The following NIM1K variants were observed in gnomAD, a reference collection of about 807,000 sequenced individuals.
The protein encoded by NIM1K is serine/threonine-protein kinase NIM1.
NIM1K carries 35 observed loss-of-function variants against 37.1 expected under a neutral mutation model. The observed-to-expected ratio is 0.94, with a 90% CI of 0.72 to 1.25. The LOEUF is 1.25. Ranked by LOEUF, NIM1K falls within the 50% of genes most tolerant of loss-of-function variation. The pLI is 0.00. For synonymous variants in NIM1K, 234 were observed against 206.6 expected, an observed-to-expected ratio of 1.13 and a Z score of -1.14; for missense variants, 564 against 548.0, an observed-to-expected ratio of 1.03 and a Z score of -0.29.
intron 1 of NIM1K, among the ~76,000 whole-genome samples, chr5:43,220,031 G>A (rs1226641125): frequency 6.6e-6 from 1 of 152,088 alleles, no homozygotes; most frequent in Admixed American, 6.6e-5. Context: ...AGCCAATTGT[G>A]TCCTTTGATG....
At chr5:43,259,623 GA>G (rs1190154194) in intron 2 of NIM1K, among the ~76,000 whole-genome samples, 1 of 152,002 alleles carries the variant, frequency 6.6e-6, no homozygotes, top group African/African-American at 2.4e-5. Context: ...ACTTTTTAAT[GA>G]GATCTTTTTT....
At chr5:43,197,985 C>T (rs1016856213) in intron 1 of NIM1K, among the ~76,000 whole-genome samples, 4 of 152,092 alleles carry the variant, frequency 2.6e-5, no homozygotes, top group Admixed American at 6.5e-5. Context: ...AAGGAGTATT[C>T]CATAGTAGAG....
Position 43,280,771 on chromosome 5 carries a change from T to G in NIM1K, c.*42T>G. 1 of 1,492,352 alleles carries G rather than the reference T, an allele frequency of 6.7e-7. No homozygotes were observed. The highest frequency in any genetic ancestry group is 1.4e-5 in the African/African-American group (1 of 71,556). 92.4% of individuals were successfully genotyped at this position (1,492,352 alleles called of 1,614,324 possible). On this transcript the variant is annotated 3_prime_UTR_variant, in exon 4 of 4. Coordinates refer to ENST00000326035, the MANE Select transcript of NIM1K (RefSeq NM_153361.4). ...TGTAACTAACCAAGATGATTGTTGCTGCTTCTAAATTTTTTTCAAGGACAA... is the reference window on the plus strand; with the variant it reads ...TGTAACTAACCAAGATGATTGTTGCGGCTTCTAAATTTTTTTCAAGGACAA...
intron 1 of NIM1K, among the ~76,000 whole-genome samples, chr5:43,217,172 G>T (rs1752312163): frequency 1.3e-5 from 2 of 152,090 alleles, no homozygotes; most frequent in African/African-American, 4.8e-5. Context: ...TCTACTTTCT[G>T]TCTTTATAAA....
chr5:43,245,745 G>T lies in NIM1K; in HGVS notation c.-31G>T, dbSNP rs139301861. On this transcript the variant is annotated 5_prime_UTR_variant, in exon 2 of 4. Transcript: ENST00000326035. ...CTGCTCCTGCACAACCTGCCTCTTC[G>T]CTGAGATGGAGACGTGAGCCCCCGT... 2 of 1,542,544 alleles carry T rather than the reference G, an allele frequency of 1.3e-6. No individual in the cohort carries two copies. The highest frequency in any genetic ancestry group is 1.8e-6 in the Non-Finnish European group (2 of 1,141,504).
intron 2 of NIM1K, among the ~76,000 whole-genome samples, chr5:43,252,142 T>C (rs1395606561): frequency 6.6e-6 from 1 of 152,090 alleles, no homozygotes; most frequent in African/African-American, 2.4e-5. Context: ...GGTGGAATAA[T>C]AATTAGTGTT....
intron 1 of NIM1K, among the ~76,000 whole-genome samples, chr5:43,234,756 T>C (rs1752593228): frequency 6.6e-6 from 1 of 152,188 alleles, no homozygotes; most frequent in African/African-American, 2.4e-5. Flanking sequence ...TGCCTCAGCC[T>C]CCTGAGTAGC....
intron 1 of NIM1K, among the ~76,000 whole-genome samples, chr5:43,215,266 T>C (rs1752283323): frequency 6.6e-6 from 1 of 152,200 alleles, no homozygotes; most frequent in Non-Finnish European, 1.5e-5. Context: ...CTCTCCAACA[T>C]TGTGTAATCA....
chr5:43,232,496 T>G, intron 1 of NIM1K: 1 of 1,514,110 alleles, frequency 6.6e-7, no homozygotes, highest in Non-Finnish European at 9.2e-7. Flanking sequence ...CCTATTCAGT[T>G]TAGTATAGGT....
intron 2 of NIM1K, among the ~76,000 whole-genome samples, chr5:43,266,699 C>T (rs2112293117): frequency 6.6e-6 from 1 of 152,346 alleles, no homozygotes; most frequent in South Asian, 2.1e-4. Context: ...CTGCGTTGCT[C>T]ATGCTGGGAG....
intron 1 of NIM1K, among the ~76,000 whole-genome samples, chr5:43,219,215 A>G (rs952679901): frequency 6.6e-6 from 1 of 152,144 alleles, no homozygotes; most frequent in African/African-American, 2.4e-5. Flanking sequence ...TTTCCTTTAT[A>G]AATTTTCAGT....
At chr5:43,252,802 A>G (rs1752884225) in intron 2 of NIM1K, among the ~76,000 whole-genome samples, 1 of 152,134 alleles carries the variant, frequency 6.6e-6, no homozygotes, top group Non-Finnish European at 1.5e-5. Context: ...TGAATATTTT[A>G]TGTCCCATCT....
chr5:43,227,708 A>G (rs1249151009), intron 1 of NIM1K, among the ~76,000 whole-genome samples: 1 of 152,140 alleles, frequency 6.6e-6, no homozygotes, highest in Non-Finnish European at 1.5e-5. Flanking sequence ...AAAATTTATT[A>G]TTTATTATGG....
At chr5:43,275,569 C>T (rs145234055) in intron 2 of NIM1K, among the ~76,000 whole-genome samples, 261 of 152,340 alleles carry the variant, frequency 1.7e-3, no homozygotes, top group African/African-American at 5.9e-3. Context: ...CTCACCAGCA[C>T]GCTGTCAACA....
rs186995679 is a variant in NIM1K, at chr5:43,205,869, C to T, written c.-695+13458C>T. 3.5e-4 allele frequency among the ~76,000 whole-genome samples: 54 copies of T among 152,188 alleles called. No homozygotes were observed. In the East Asian group the frequency reaches 5.0e-3, roughly 14 times the overall value. ...CTGGGACTACAGGTGCCAGCCACCA[C>T]GCATGGCTGATTTTTTGTATTTTTA... On this transcript the variant is annotated intron_variant, in intron 1 of 3. Transcript: ENST00000326035.
At chr5:43,255,885 G>A (rs1362589992) in intron 2 of NIM1K, among the ~76,000 whole-genome samples, 2 of 151,564 alleles carry the variant, frequency 1.3e-5, no homozygotes, top group Non-Finnish European at 2.9e-5. Context: ...TGAGGGAAAT[G>A]GCTATACATG....
intron 1 of NIM1K, among the ~76,000 whole-genome samples, chr5:43,220,493 C>A (rs1013046635): frequency 2.0e-5 from 3 of 152,090 alleles, no homozygotes; most frequent in Non-Finnish European, 4.4e-5. Flanking sequence ...ATTGGCCAGG[C>A]TGATCGCAAA....
chr5:43,222,246 G>A (rs1005260004), intron 1 of NIM1K, among the ~76,000 whole-genome samples: 6 of 152,158 alleles, frequency 3.9e-5, no homozygotes, highest in Non-Finnish European at 7.3e-5. Flanking sequence ...TGAGAAATAC[G>A]ATCTTATGGT....
intron 1 of NIM1K, among the ~76,000 whole-genome samples, chr5:43,216,008 G>A (rs762837529): frequency 7.9e-5 from 12 of 152,126 alleles, no homozygotes; most frequent in South Asian, 2.1e-4. Context: ...GGCACTCCCC[G>A]GAGGCTTTTC....
Sources: allele counts gnomAD v4.1 joint callset (sites outside exome capture counted in the v4.1 genomes callset), GRCh38; gene constraint gnomAD v4.1.1; transcripts MANE v1.5; gene names NCBI Gene and HGNC (gene_info 2026-07-23, HGNC 2026-07-21).